RBBP8: variants seen among roughly 807,000 people sequenced by gnomAD.
RBBP8 encodes the protein RB binding protein 8, endonuclease, also known as DNA endonuclease RBBP8.
In RBBP8, 88 loss-of-function variants were observed where a neutral mutation model predicts 108.3. That is an observed-to-expected ratio of 0.81 (90% CI 0.68 to 0.97). The LOEUF is 0.97. RBBP8 is among the 50% of genes least tolerant of loss of function. The pLI, the probability that RBBP8 is intolerant of heterozygous loss-of-function variation, is 0.00. For synonymous variants in RBBP8, 332 were observed against 348.2 expected, an observed-to-expected ratio of 0.95 and a Z score of 0.52; for missense variants, 1,023 against 1,049.0, an observed-to-expected ratio of 0.98 and a Z score of 0.34.
chr18:22,995,850 A>G (rs2045847775), intron 12 of RBBP8, among the ~76,000 whole-genome samples: 1 of 152,204 alleles, frequency 6.6e-6, no homozygotes. Flanking sequence ...TGCTATGAAC[A>G]TTTGTATACA....
chr18:22,929,548 GTGTA>G (rs779057258), upstream of RBBP8: 5,979 of 124,776 alleles, frequency 0.048, 335 homozygotes, highest in African/African-American at 0.056. Flanking sequence ...GTGTGTGTGT[GTGTA>G]TGTGTGTGTG....
intron 14 of RBBP8, 102 bp from the exon 15 acceptor site, chr18:23,001,484 G>T: frequency 2.3e-6 from 3 of 1,309,698 alleles, no homozygotes; most frequent in Non-Finnish European, 3.3e-6. Context: ...TGTCTTTAAG[G>T]ACTGCATTCT....
chr18:22,946,550 G>T, intron 3 of RBBP8, 64 bp downstream of exon 3: 2 of 1,597,812 alleles, frequency 1.3e-6, no homozygotes, highest in South Asian at 2.2e-5. Flanking sequence ...TGTCCAATTT[G>T]ACATTCATAG....
At chr18:22,935,683 A>G (rs1439340936) in intron 1 of RBBP8, among the ~76,000 whole-genome samples, 3 of 152,210 alleles carry the variant, frequency 2.0e-5, no homozygotes, top group Admixed American at 1.3e-4. Context: ...GGTTTAGTAG[A>G]CTTGCTGATC....
chr18:23,022,668 T>TAAATATAAAATAAAAA (rs2046389158), intron 18 of RBBP8, among the ~76,000 whole-genome samples: 1 of 136,026 alleles, frequency 7.4e-6, no homozygotes, highest in Admixed American at 7.2e-5. Flanking sequence ...TAAAATAAAA[T>TAAATATAAAATAAAAA]AAATAACTGT....
At chr18:22,916,926 T>C (rs1909386000) in intron 2 of RBBP8, 1 of 152,204 alleles carries the variant, frequency 6.6e-6, no homozygotes, top group Non-Finnish European at 1.5e-5. Context: ...TATAGTATTC[T>C]TTAAATTTGG....
At chr18:22,980,852 C>T (rs1308143052) in intron 6 of RBBP8, among the ~76,000 whole-genome samples, 3 of 149,332 alleles carry the variant, frequency 2.0e-5, no homozygotes, top group East Asian at 4.1e-4. Context: ...GTAGCTGAGA[C>T]TACAGGTGTG....
chr18:22,918,211 G>A (rs1909442090), intron 3 of RBBP8, among the ~76,000 whole-genome samples: 3 of 152,142 alleles, frequency 2.0e-5, no homozygotes, highest in Admixed American at 2.0e-4. Flanking sequence ...AAGAAAGCGT[G>A]ACATGGATAA....
At chr18:22,972,982 C>T (rs1914227955) in intron 5 of RBBP8, among the ~76,000 whole-genome samples, 1 of 152,100 alleles carries the variant, frequency 6.6e-6, no homozygotes, top group Non-Finnish European at 1.5e-5. Flanking sequence ...GTCTTCTGAG[C>T]GTGAAAGCGC....
At chr18:22,957,947 A>G (rs1170281400) in intron 4 of RBBP8, among the ~76,000 whole-genome samples, 1 of 152,116 alleles carries the variant, frequency 6.6e-6, no homozygotes, top group African/African-American at 2.4e-5. Context: ...TAGCTCTTCT[A>G]TTTTACCTTT....
At position 22,949,668 on chromosome 18, in the gene RBBP8, A is replaced by T; in HGVS notation, c.203A>T (p.Glu68Val). ...EFFTKNQQLR[E>V]QQKVLHETIK... is the part of the protein sequence containing the mutation. ...TTCACCAAAAATCAACAGCTGAGGG[A>T]ACAGCAGAAAGTCCTTCATGAAACC... Residue 68 changes from glutamate (E) to valine (V), a missense_variant, in exon 4 of 19, where the codon GAA becomes GTA. Coordinates refer to ENST00000327155, the MANE Select transcript of RBBP8 (RefSeq NM_002894.3). 7 of 1,613,624 alleles carry T rather than the reference A, an allele frequency of 4.3e-6. No individual in the cohort carries two copies. The highest frequency in any genetic ancestry group is 5.9e-6 in the Non-Finnish European group (7 of 1,179,718).
At chr18:22,978,806 A>C (rs1914677483) in intron 6 of RBBP8, among the ~76,000 whole-genome samples, 2 of 152,258 alleles carry the variant, frequency 1.3e-5, no homozygotes, top group Admixed American at 1.3e-4. Flanking sequence ...TAATGATTGT[A>C]TATTTCAGAA....
intron 2 of RBBP8, among the ~76,000 whole-genome samples, chr18:22,943,658 A>G (rs1338054821): frequency 6.6e-6 from 1 of 152,142 alleles, no homozygotes; most frequent in Non-Finnish European, 1.5e-5. Context: ...GTTGAAGTTT[A>G]ATTACTTCAT....
intron 9 of RBBP8, among the ~76,000 whole-genome samples, chr18:22,989,575 CT>C (rs1351627345): frequency 1.3e-5 from 2 of 151,982 alleles, no homozygotes; most frequent in Non-Finnish European, 2.9e-5. Context: ...TGTCAACTTT[CT>C]TCCCTTCCCC....
chr18:23,019,501 T>C (rs2064575131), intron 17 of RBBP8, among the ~76,000 whole-genome samples: 2 of 152,176 alleles, frequency 1.3e-5, no homozygotes, highest in Admixed American at 1.3e-4. Flanking sequence ...GAGTGTGCAA[T>C]ACTCATGTGG....
At chr18:22,964,373 G>GTTTTTTTTTTTTTTTTT (rs71161350) in intron 4 of RBBP8, among the ~76,000 whole-genome samples, 6 of 139,504 alleles carry the variant, frequency 4.3e-5, no homozygotes, top group Non-Finnish European at 7.7e-5. Context: ...GGAGACTTAG[G>GTTTTTTTTTTTTTTTTT]TTTTTTTTTT....
chr18:22,932,644 A>G (rs780009590), upstream of RBBP8, among the ~76,000 whole-genome samples: 16 of 152,184 alleles, frequency 1.1e-4, no homozygotes, highest in Non-Finnish European at 1.8e-4. Flanking sequence ...ATTCTAGTCT[A>G]TTTTGTTCAT....
chr18:22,930,026 T>C (rs974346229), upstream of RBBP8, among the ~76,000 whole-genome samples: 2 of 152,220 alleles, frequency 1.3e-5, no homozygotes, highest in Non-Finnish European at 2.9e-5. Flanking sequence ...GAGTTAAGCA[T>C]AGATTCTAGA....
chr18:22,959,722 ATGTGTGTGTGTGTT>A (rs945361553), intron 4 of RBBP8, among the ~76,000 whole-genome samples: 7 of 151,002 alleles, frequency 4.6e-5, no homozygotes, highest in Non-Finnish European at 8.9e-5. Flanking sequence ...GTATATTTAT[ATGTGTGTGTGTGTT>A]TGTGTGTGTG....
Sources: gnomAD v4.1 joint callset for allele counts (sites outside exome capture counted in the v4.1 genomes callset) on GRCh38, gnomAD v4.1.1 for gene constraint, MANE v1.5 for transcripts, NCBI Gene and HGNC (gene_info 2026-07-23, HGNC 2026-07-21) for gene names.